Variants in DNER observed in about 807,000 individuals in gnomAD.
The protein encoded by DNER is delta and Notch-like epidermal growth factor-related receptor.
Under a neutral mutation model 78.2 loss-of-function variants are expected in DNER, and 33 were observed. The observed-to-expected ratio is 0.42, with a 90% CI of 0.32 to 0.56. DNER has a LOEUF of 0.56. Among genes scored for constraint, DNER ranks in the 20% least tolerant of loss-of-function variants. The pLI is 0.11. For synonymous variants in DNER, 417 were observed against 384.8 expected (o/e 1.08, Z -0.98); for missense variants, 918 against 975.3 (o/e 0.94, Z 0.78).
intron 12 of DNER, among the ~76,000 whole-genome samples, chr2:229,361,049 T>G (rs1317612997): frequency 6.6e-6 from 1 of 152,192 alleles, no homozygotes; most frequent in African/African-American, 2.4e-5. Context: ...AAATGCTGTA[T>G]CTACCATATG....
chr2:229,583,678 A>G (rs769915435), intron 4 of DNER, among the ~76,000 whole-genome samples: 5 of 152,234 alleles, frequency 3.3e-5, no homozygotes, highest in Non-Finnish European at 5.9e-5. Flanking sequence ...CTTAAATTCA[A>G]TATAAAATAA....
intron 1 of DNER, among the ~76,000 whole-genome samples, chr2:229,655,247 T>C (rs1366917186): frequency 1.3e-5 from 2 of 151,238 alleles, no homozygotes; most frequent in Non-Finnish European, 3.0e-5. Context: ...AAATAAAATA[T>C]ACAAATATAT....
At chr2:229,457,851 A>G (rs1380420547) in intron 7 of DNER, among the ~76,000 whole-genome samples, 1 of 151,646 alleles carries the variant, frequency 6.6e-6, no homozygotes, top group East Asian at 1.9e-4. Flanking sequence ...AAAAATGGAA[A>G]GTAAGGACAG....
rs2106344030 is a variant in DNER, at chr2:229,407,326, G to A, written c.1629C>T (p.Tyr543=). The A allele has an allele frequency of 1.2e-6, 2 of 1,613,712 alleles. No homozygotes were observed. Among genetic ancestry groups the A allele is most frequent in the Non-Finnish European group, 1.7e-6 (2 of 1,179,700 alleles). The change falls in exon 10 of 13, where the codon TAC becomes TAT. Residue 543 remains tyrosine, a synonymous_variant. Coordinates refer to ENST00000341772, the MANE Select transcript of DNER (RefSeq NM_139072.4). ...AGCTGACGTTAGCGCAGGGATCCTT[G>A]TACAATTCACAGTGTGTTCCTGCAG... ...AEYKGTHCEL[Y]KDPCANVSCL...
At chr2:229,480,280 T>TCCCCATGGAATA (rs1488093416) in intron 6 of DNER, among the ~76,000 whole-genome samples, 1 of 152,188 alleles carries the variant, frequency 6.6e-6, no homozygotes. Flanking sequence ...TTTCCTAGGT[T>TCCCCATGGAATA]CCCCATGAGG....
At chr2:229,460,518 C>G (rs74423556) in intron 7 of DNER, among the ~76,000 whole-genome samples, 1,701 of 151,952 alleles carry the variant, frequency 0.011, 19 homozygotes, top group Non-Finnish European at 0.014. Context: ...TTCAGGAGAA[C>G]TTTTTTTCAT....
At position 229,569,357 on chromosome 2, in the gene DNER, A is replaced by T. The variant is rs528310922; in HGVS notation, c.847+16501T>A. ...GCCAACATGGTGAAACCTAGACTCT[A>T]CTAAAAATACAAAAGTTAACAGGGC... On this transcript the variant is annotated intron_variant, in intron 4 of 12. Coordinates refer to ENST00000341772, the MANE Select transcript of DNER (RefSeq NM_139072.4). 1.4e-4 allele frequency among the ~76,000 whole-genome samples: 21 copies of T among 152,266 alleles called. 1 individual carries two copies. In the South Asian group the frequency reaches 3.5e-3, roughly 26 times the overall value.
intron 4 of DNER, among the ~76,000 whole-genome samples, chr2:229,564,576 A>C (rs1328321379): frequency 2.2e-5 from 3 of 137,320 alleles, no homozygotes; most frequent in Non-Finnish European, 3.1e-5. Context: ...CATCAACATC[A>C]TCACCCCATC....
intron 1 of DNER, among the ~76,000 whole-genome samples, chr2:229,691,348 C>A (rs1699567825): frequency 6.6e-6 from 1 of 152,072 alleles, no homozygotes; most frequent in African/African-American, 2.4e-5. Flanking sequence ...GAGTTTATTT[C>A]TACCACATCG....
chr2:229,668,336 G>A (rs1699130717), intron 1 of DNER, among the ~76,000 whole-genome samples: 1 of 151,042 alleles, frequency 6.6e-6, no homozygotes, highest in Admixed American at 6.6e-5. Flanking sequence ...CAGAGAAACT[G>A]TGTGTATCAC....
At chr2:229,585,748 T>C (rs1341907382) in intron 4 of DNER, 110 bp downstream of exon 4, 9 of 1,085,200 alleles carry the variant, frequency 8.3e-6, no homozygotes, top group Non-Finnish European at 1.1e-5. Flanking sequence ...ATAGCATTGA[T>C]GGATAGAATT....
chr2:229,689,485 A>T (rs1699534126), intron 1 of DNER, among the ~76,000 whole-genome samples: 2 of 152,264 alleles, frequency 1.3e-5, no homozygotes, highest in Admixed American at 1.3e-4. Context: ...ACATCAGCAT[A>T]CTAGAAAGCA....
chr2:229,359,561 T>C (rs1006505882), intron 12 of DNER, among the ~76,000 whole-genome samples: 1 of 152,128 alleles, frequency 6.6e-6, no homozygotes, highest in Non-Finnish European at 1.5e-5. Context: ...ATTGTTTCAA[T>C]TCCACCAGGG....
intron 4 of DNER, among the ~76,000 whole-genome samples, chr2:229,579,862 T>A (rs558721096): frequency 4.5e-4 from 69 of 151,956 alleles, no homozygotes; most frequent in African/African-American, 1.5e-3. Context: ...CCAGTCAAGA[T>A]AGAAGCTTGG....
intron 1 of DNER, among the ~76,000 whole-genome samples, chr2:229,698,518 G>A (rs1699694905): frequency 1.3e-5 from 2 of 152,138 alleles, no homozygotes; most frequent in African/African-American, 4.8e-5. Flanking sequence ...GGGAAAGCAA[G>A]GGAAGCAAGA....
chr2:229,415,335 C>G (rs60981956), intron 9 of DNER, among the ~76,000 whole-genome samples: 4 of 152,200 alleles, frequency 2.6e-5, no homozygotes, highest in Non-Finnish European at 4.4e-5. Context: ...ATTCAAGCCT[C>G]AGATGAGAGC....
intron 1 of DNER, among the ~76,000 whole-genome samples, chr2:229,622,349 T>C (rs1698264406): frequency 6.6e-6 from 1 of 152,148 alleles, no homozygotes. Flanking sequence ...ATGACCCCTT[T>C]GACCCCCAAA....
chr2:229,409,844 T>C (rs931550242), intron 9 of DNER, among the ~76,000 whole-genome samples: 2 of 152,164 alleles, frequency 1.3e-5, no homozygotes, highest in South Asian at 4.1e-4. Context: ...CATTTCTATA[T>C]CGTAAACCTT....
intron 7 of DNER, among the ~76,000 whole-genome samples, chr2:229,454,579 T>G (rs1694530746): frequency 6.6e-6 from 1 of 151,930 alleles, no homozygotes; most frequent in Non-Finnish European, 1.5e-5. Context: ...CATACCTCAG[T>G]ATACATACTG....
Sources: gnomAD v4.1 joint callset for allele counts (sites outside exome capture counted in the v4.1 genomes callset) on GRCh38, gnomAD v4.1.1 for gene constraint, MANE v1.5 for transcripts, NCBI Gene and HGNC (gene_info 2026-07-23, HGNC 2026-07-21) for gene names.